The following POLA2 variants were observed in gnomAD, a reference collection of about 807,000 sequenced individuals.
POLA2 encodes DNA polymerase alpha subunit B.
POLA2 carries 47 observed loss-of-function variants against 82.8 expected under a neutral mutation model. The observed-to-expected ratio is 0.57, with a 90% CI of 0.45 to 0.72. POLA2 has a LOEUF of 0.72. POLA2 is among the 30% of genes least tolerant of loss of function. The pLI is 0.00. For synonymous variants in POLA2, 287 were observed against 286.8 expected (o/e 1.00, Z -0.01); for missense variants, 634 against 728.1 (o/e 0.87, Z 1.49).
rs772033629 is a variant in POLA2, at chr11:65,294,601, G to A, written c.1409G>A (p.Gly470Asp). The A allele has an allele frequency of 6.2e-7, 1 of 1,614,088 alleles. No individual in the cohort carries two copies. Among genetic ancestry groups the A allele is most frequent in the Non-Finnish European group, 8.5e-7 (1 of 1,179,992 alleles). The stretch of plus-strand genomic sequence containing the variant: ...CTCTCCATAAACGGAGTGATCTTCG[G>A]CTTGACATCCACAGATCTGCTTTTC... ...CSLSINGVIF[G>D]LTSTDLLFHL... Residue 470 changes from glycine (G) to aspartate (D), a missense_variant, in exon 15 of 18, where the codon GGC (glycine) becomes GAC (aspartate). Gly to Asp is a moderately conservative substitution (Grantham distance 94, BLOSUM62 -1). Transcript: ENST00000265465.
At chr11:65,264,222 C>T (rs900423059) in intron 1 of POLA2, among the ~76,000 whole-genome samples, 1 of 152,132 alleles carries the variant, frequency 6.6e-6, no homozygotes, top group African/African-American at 2.4e-5. Context: ...CTCCCGCCAC[C>T]ACGCCCGGCT....
At chr11:65,288,589 A>G (rs372078726) in intron 11 of POLA2, among the ~76,000 whole-genome samples, 1 of 140,210 alleles carries the variant, frequency 7.1e-6, no homozygotes, top group African/African-American at 2.7e-5. Context: ...TCGGCTCACT[A>G]TAGCCTCCAC....
intron 4 of POLA2, among the ~76,000 whole-genome samples, chr11:65,269,500 A>C (rs1041445924): frequency 1.3e-5 from 2 of 151,934 alleles, no homozygotes; most frequent in African/African-American, 4.8e-5. Flanking sequence ...AAAAAAAAAA[A>C]AAACAACAAC....
In POLA2 at chr11:65,297,617, A is replaced by T. The variant is rs1208390143; in HGVS notation, c.*348A>T. ...TTGGAGAAATTAAATTCTGAGTGTG[A>T]CTTCTGAGTTTGACCTTTCTTCTAT... On this transcript the variant is annotated 3_prime_UTR_variant, in exon 18 of 18. Coordinates refer to ENST00000265465, the MANE Select transcript of POLA2 (RefSeq NM_002689.4). 1 of 185,930 alleles carries T rather than the reference A, an allele frequency of 5.4e-6. No homozygotes were observed. Among genetic ancestry groups the T allele is most frequent in the African/African-American group, 2.3e-5 (1 of 42,642 alleles). 11.5% of individuals were successfully genotyped at this position (185,930 alleles called of 1,614,324 possible).
In POLA2 at chr11:65,281,656, T is replaced by A; in HGVS notation, c.901-14T>A. On this transcript the variant is annotated splice_polypyrimidine_tract_variant and intron_variant, in intron 8 of 17. Coordinates refer to ENST00000265465, the MANE Select transcript of POLA2 (RefSeq NM_002689.4). ...CTCCACTGCTTAGCAATCCTGTTTG[T>A]TTTTGTCTTTCAGGTTGTAATTATG... is the stretch of plus-strand genomic sequence containing the variant. The A allele has an allele frequency of 6.2e-7, 1 of 1,605,728 alleles. No homozygotes were observed. The highest frequency in any genetic ancestry group is 8.5e-7 in the Non-Finnish European group (1 of 1,172,312).
Position 65,275,899 on chromosome 11 carries a change from A to C in POLA2, c.362A>C (p.Gln121Pro). The change falls in exon 5 of 18, where the codon CAG becomes CCG. Residue 121 changes from glutamine to proline, a missense_variant. Coordinates refer to ENST00000265465, the MANE Select transcript of POLA2 (RefSeq NM_002689.4). ...NSYTTPSKGS[Q>P]KRAISTPETP... The stretch of plus-strand genomic sequence containing the variant: ...TTCCTTTTTTTTCCCTAGGGTTCTC[A>C]GAAGCGAGCTATCTCTACCCCAGAA... The C allele has an allele frequency of 6.2e-7, 1 of 1,603,274 alleles. No individual in the cohort carries two copies. The highest frequency in any genetic ancestry group is 1.1e-5 in the South Asian group (1 of 89,450).
chr11:65,289,873 G>A lies in POLA2; in HGVS notation c.1244+1G>A. On this transcript the variant is annotated splice_donor_variant, in intron 13 of 17. Transcript: ENST00000265465. LOFTEE classifies it high-confidence loss of function. ...GAACAATTATTGAAGGCACAAGAAG[G>A]TCAGATTTCAAAATACTGGACAGAA... The A allele has an allele frequency of 6.3e-7, 1 of 1,592,004 alleles. No individual in the cohort carries two copies. The highest frequency in any genetic ancestry group is 8.6e-7 in the Non-Finnish European group (1 of 1,159,990).
chr11:65,263,969 CATGGCA>C (rs1949430273), intron 1 of POLA2, among the ~76,000 whole-genome samples: 1 of 152,236 alleles, frequency 6.6e-6, no homozygotes, highest in Non-Finnish European at 1.5e-5. Context: ...GCTTTCATCT[CATGGCA>C]ATGGCTTTGG....
At chr11:65,282,222 T>C (rs890375493) in intron 9 of POLA2, among the ~76,000 whole-genome samples, 6 of 152,218 alleles carry the variant, frequency 3.9e-5, no homozygotes, top group African/African-American at 1.4e-4. Context: ...CTCCCACTTG[T>C]TGCTGGGTAT....
chr11:65,286,371 C>G (rs1319272378), intron 10 of POLA2, among the ~76,000 whole-genome samples: 1 of 151,992 alleles, frequency 6.6e-6, no homozygotes, highest in East Asian at 1.9e-4. Context: ...ATTTTTGACC[C>G]CTGGAACTGT....
intron 3 of POLA2, among the ~76,000 whole-genome samples, chr11:65,268,399 T>G (rs1949485988): frequency 6.6e-6 from 1 of 151,780 alleles, no homozygotes; most frequent in South Asian, 2.1e-4. Context: ...TCGCCCATGC[T>G]GGAGTGCAGT....
At position 65,267,486 on chromosome 11, in the gene POLA2, A is replaced by G. The variant is rs1017172208; in HGVS notation, c.214A>G (p.Lys72Glu). ...LNSFEHEFLS[K>E]RLSKARHSTC... ...ATCTTTTCTTTTTCAGTTTCTGAGC[A>G]AAAGATTATCGAAAGCCAGGCATAG... The change falls in exon 3 of 18, where the codon AAA (lysine) becomes GAA (glutamate). Residue 72 changes from lysine (K) to glutamate (E), a missense_variant. Coordinates refer to ENST00000265465, the MANE Select transcript of POLA2 (RefSeq NM_002689.4). The G allele has an allele frequency of 6.2e-7, 1 of 1,608,628 alleles. No homozygotes were observed. Among genetic ancestry groups the G allele is most frequent in the African/African-American group, 1.3e-5 (1 of 74,670 alleles).
chr11:65,294,504 C>A, intron 14 of POLA2, 42 bp from the exon 15 acceptor site: 1 of 1,533,790 alleles, frequency 6.5e-7, no homozygotes, highest in Non-Finnish European at 9.0e-7. Flanking sequence ...ATGTTTCTAG[C>A]TTTGGCATAC....
At position 65,294,164 on chromosome 11, in the gene POLA2, A is replaced by T. The variant is rs2137589387; in HGVS notation, c.1256A>T (p.His419Leu). ...TTTTGCCATACTAGCTCCGGCTCCC[A>T]CCTTGTCTTTGTCCCGTCATTGAGA... Reference protein sequence around the residue: ...IIEGTRSSGSHLVFVPSLRDV... With the variant: ...IIEGTRSSGSLLVFVPSLRDV... Residue 419 changes from histidine (H) to leucine (L), a missense_variant, in exon 14 of 18, where the codon CAC becomes CTC. Physicochemically the swap from His to Leu is moderately conservative, Grantham distance 99. Transcript: ENST00000265465. 3 of 1,613,062 alleles carry T rather than the reference A, an allele frequency of 1.9e-6. No individual in the cohort carries two copies. In the East Asian group the frequency reaches 6.7e-5, roughly 36 times the overall value.
chr11:65,295,550 A>G lies in POLA2; in HGVS notation c.1471A>G (p.Thr491Ala). The change falls in exon 16 of 18, where the codon ACT (threonine) becomes GCT (alanine). Residue 491 changes from threonine (T) to alanine (A), a missense_variant. Physicochemically the swap from Thr to Ala is moderately conservative, Grantham distance 58. Coordinates refer to ENST00000265465, the MANE Select transcript of POLA2 (RefSeq NM_002689.4). The part of the protein sequence containing the change: ...GAEEISSSSG[T>A]SDRFSRILKH... ...TCTTTTCTTTCCCAGTTCTTCCGGA[A>G]CTTCAGACAGATTCAGCCGAATACT... 1.2e-6 allele frequency: 2 copies of G among 1,613,942 alleles called. No homozygotes were observed. The highest frequency in any genetic ancestry group is 1.7e-6 in the Non-Finnish European group (2 of 1,179,890).
chr11:65,287,606 T>G (rs1214061053), intron 10 of POLA2, 110 bp from the exon 11 acceptor site: 5 of 987,946 alleles, frequency 5.1e-6, no homozygotes, highest in Non-Finnish European at 7.6e-6. Context: ...GTTTCACACA[T>G]AAAGGACTCA....
At position 65,262,030 on chromosome 11, in the gene POLA2, C is replaced by A; in HGVS notation, c.-263C>A. On this transcript the variant is annotated 5_prime_UTR_variant, in exon 1 of 18. Coordinates refer to ENST00000265465, the MANE Select transcript of POLA2 (RefSeq NM_002689.4). Reference sequence around the variant, plus strand: ...AAGCAGGACGTTCTCACCAGGAGAGCGTCCTCTCGAGATTTCTGCTCCCTC... The same window carrying A: ...AAGCAGGACGTTCTCACCAGGAGAGAGTCCTCTCGAGATTTCTGCTCCCTC... 1 of 534,752 alleles carries A rather than the reference C, an allele frequency of 1.9e-6. No individual in the cohort carries two copies. The highest frequency in any genetic ancestry group is 3.3e-6 in the Non-Finnish European group (1 of 302,114). The allele number at this position is 534,752 out of a possible 1,614,324, so 33.1% of individuals were successfully genotyped here.
At chr11:65,300,337 A>T (rs1355458398), downstream of POLA2, among the ~76,000 whole-genome samples, 2 of 151,840 alleles carry the variant, frequency 1.3e-5, no homozygotes, top group Non-Finnish European at 2.9e-5. Context: ...CTGGGATTAC[A>T]GGTGCCTGCC....
At chr11:65,299,044 G>C (rs1949842934), downstream of POLA2, among the ~76,000 whole-genome samples, 1 of 152,226 alleles carries the variant, frequency 6.6e-6, no homozygotes, top group African/African-American at 2.4e-5. Context: ...TTTTGCTCTT[G>C]TCAGGAAGGT....
Sources: gnomAD v4.1 joint callset for allele counts (sites outside exome capture counted in the v4.1 genomes callset) on GRCh38, gnomAD v4.1.1 for gene constraint, MANE v1.5 for transcripts, NCBI Gene and HGNC (gene_info 2026-07-23, HGNC 2026-07-21) for gene names.